NSD1: variants seen among roughly 807,000 people sequenced by gnomAD.
NSD1 encodes nuclear receptor binding SET domain protein 1, also known as histone-lysine N-methyltransferase, H3 lysine-36 specific.
A neutral mutation model predicts 242.7 loss-of-function variants in NSD1; 26 were observed. That is an observed-to-expected ratio of 0.11 (90% CI 0.08 to 0.15). The LOEUF (loss-of-function observed/expected upper bound fraction) is 0.15. Among genes scored for constraint, NSD1 ranks in the 10% least tolerant of loss-of-function variants. NSD1 has a pLI of 1.00. For synonymous variants in NSD1, 1,106 were observed against 1,178.1 expected, an observed-to-expected ratio of 0.94 and a Z score of 1.25; for missense variants, 2,495 against 3,272.8, an observed-to-expected ratio of 0.76 and a Z score of 5.80.
chr5:177,136,773 C>T (rs1296729753), intron 2 of NSD1: 2 of 567,502 alleles, frequency 3.5e-6, no homozygotes, highest in East Asian at 2.8e-5. Flanking sequence ...TTTGTATCAC[C>T]ATTAGCTCTT....
chr5:177,261,737 C>T (rs940201217), intron 14 of NSD1, among the ~76,000 whole-genome samples: 1 of 152,118 alleles, frequency 6.6e-6, no homozygotes, highest in African/African-American at 2.4e-5. Flanking sequence ...TCATTGTGGA[C>T]TTTGCTCCAC....
intron 17 of NSD1, among the ~76,000 whole-genome samples, chr5:177,275,245 A>T (rs1184124066): frequency 6.6e-6 from 1 of 151,866 alleles, no homozygotes; most frequent in Non-Finnish European, 1.5e-5. Flanking sequence ...TCAGACCTTC[A>T]AGATCGTGTC....
At chr5:177,214,083 G>A (rs955158253) in intron 5 of NSD1, among the ~76,000 whole-genome samples, 79 of 152,142 alleles carry the variant, frequency 5.2e-4, no homozygotes, top group African/African-American at 1.7e-3. Context: ...TGTAATTCCA[G>A]CACTCTGGGA....
At chr5:177,213,110 C>A in intron 5 of NSD1, among the ~76,000 whole-genome samples, 1 of 152,080 alleles carries the variant, frequency 6.6e-6, no homozygotes, top group East Asian at 1.9e-4. Context: ...CCAGAAGTAC[C>A]CAAGTGTTGT....
intron 2 of NSD1, among the ~76,000 whole-genome samples, chr5:177,183,159 T>A (rs937590613): frequency 2.6e-5 from 4 of 152,202 alleles, no homozygotes; most frequent in Non-Finnish European, 5.9e-5. Flanking sequence ...TTCTTTTCTT[T>A]TAGCACTATA....
intron 2 of NSD1, among the ~76,000 whole-genome samples, chr5:177,179,200 T>A (rs1760454712): frequency 6.6e-6 from 1 of 152,032 alleles, no homozygotes. Context: ...GACCTTGGAT[T>A]TAAGTGTTTT....
In NSD1 at chr5:177,298,070, A is replaced by G. The variant is rs1306263804; in HGVS notation, c.*2611A>G. ...ACTAGATGGTTAAAATCATGAAAGC[A>G]GTCACTATCCAATTAGAAGCAGAGT... On this transcript the variant is annotated 3_prime_UTR_variant, in exon 23 of 23. Coordinates refer to ENST00000439151, the MANE Select transcript of NSD1 (RefSeq NM_022455.5). 1 of 232,816 alleles carries G rather than the reference A, an allele frequency of 4.3e-6. No homozygotes were observed. Among genetic ancestry groups the G allele is most frequent in the Non-Finnish European group, 8.5e-6 (1 of 118,008 alleles). 14.4% of individuals were successfully genotyped at this position (232,816 alleles called of 1,614,324 possible).
At chr5:177,139,784 G>C (rs1378486138) in intron 2 of NSD1, among the ~76,000 whole-genome samples, 1 of 152,004 alleles carries the variant, frequency 6.6e-6, no homozygotes, top group Non-Finnish European at 1.5e-5. Flanking sequence ...GTGAGATCCT[G>C]TCTCTACACT....
intron 22 of NSD1, among the ~76,000 whole-genome samples, chr5:177,293,541 C>G: frequency 6.9e-6 from 1 of 145,566 alleles, no homozygotes; most frequent in Non-Finnish European, 1.5e-5. Flanking sequence ...CCCGCCCCCC[C>G]CTCACCTCCT....
upstream of NSD1, chr5:177,133,050 G>C (rs1238722939): frequency 6.5e-6 from 1 of 153,768 alleles, no homozygotes; most frequent in African/African-American, 2.4e-5. The surrounding 1 kb of genome is among the most constrained non-coding windows in gnomAD (Gnocchi z 6.2). Context: ...TGTGGTGGTG[G>C]TGGTGGTGGT....
At chr5:177,245,670 C>G (rs1056641121) in intron 9 of NSD1, among the ~76,000 whole-genome samples, 5 of 145,786 alleles carry the variant, frequency 3.4e-5, no homozygotes, top group African/African-American at 1.3e-4. Context: ...GAGTCTGGCT[C>G]TGTTGCCCAG....
chr5:177,137,202 C>T, intron 2 of NSD1: 2 of 325,778 alleles, frequency 6.1e-6, no homozygotes, highest in Non-Finnish European at 1.1e-5. Context: ...TTCTTGATTG[C>T]TATAAGATTC....
chr5:177,150,422 G>C (rs1169750744), intron 2 of NSD1, among the ~76,000 whole-genome samples: 1 of 152,078 alleles, frequency 6.6e-6, no homozygotes, highest in Admixed American at 6.6e-5. Context: ...GAGCCACCGC[G>C]CCCTGCCACA....
At chr5:177,212,302 GC>G in intron 5 of NSD1, 107 bp downstream of exon 5, 2 of 1,151,050 alleles carry the variant, frequency 1.7e-6, no homozygotes, top group East Asian at 2.6e-5. Flanking sequence ...GTATAAACTA[GC>G]GGGGAAGAAT....
At chr5:177,212,491 TTTTTTTTTTTCTAA>T (rs1221628121) in intron 5 of NSD1, among the ~76,000 whole-genome samples, 1 of 150,976 alleles carries the variant, frequency 6.6e-6, no homozygotes, top group Non-Finnish European at 1.5e-5. Flanking sequence ...CTCTCTCTTT[TTTTTTTTTTTCTAA>T]TTTTTTTTTT....
intron 5 of NSD1, among the ~76,000 whole-genome samples, chr5:177,226,186 A>G (rs1021746279): frequency 1.1e-4 from 17 of 152,262 alleles, no homozygotes; most frequent in Middle Eastern, 3.4e-3. Flanking sequence ...AGCTGGGACT[A>G]CAGGCACGTG....
At chr5:177,158,821 C>CAAAAAAA (rs57206832) in intron 2 of NSD1, among the ~76,000 whole-genome samples, 4 of 80,334 alleles carry the variant, frequency 5.0e-5, no homozygotes, top group African/African-American at 1.6e-4. Context: ...GACTTCATCT[C>CAAAAAAA]AAAAAAAAAA....
At chr5:177,141,178 C>T (rs1756779656) in intron 2 of NSD1, among the ~76,000 whole-genome samples, 1 of 151,204 alleles carries the variant, frequency 6.6e-6, no homozygotes, top group Non-Finnish European at 1.5e-5. Context: ...CCCGCCACCG[C>T]AACCAGCTAA....
intron 14 of NSD1, chr5:177,266,400 C>G: frequency 1.5e-6 from 1 of 651,940 alleles, no homozygotes; most frequent in Non-Finnish European, 2.9e-6. Context: ...TGCTTGTGTC[C>G]GAGCCCACAT....
Sources: allele counts gnomAD v4.1 joint callset (sites outside exome capture counted in the v4.1 genomes callset), GRCh38; gene constraint gnomAD v4.1.1; non-coding constraint Gnocchi (gnomAD v3.1); transcripts MANE v1.5; gene names NCBI Gene and HGNC (gene_info 2026-07-23, HGNC 2026-07-21).